ANOS1: variants seen among roughly 807,000 people sequenced by gnomAD.
ANOS1 encodes anosmin 1, also known as anosmin-1.
A neutral mutation model predicts 59.0 loss-of-function variants in ANOS1; 6 were observed. The observed-to-expected ratio is 0.10, with a 90% CI of 0.06 to 0.20. The LOEUF is 0.20. Ranked by LOEUF, ANOS1 falls within the 10% of genes least tolerant of loss-of-function variation. The pLI is 1.00. For synonymous variants in ANOS1, 217 were observed against 223.4 expected (o/e 0.97, Z 0.25); for missense variants, 433 against 542.3 (o/e 0.80, Z 2.00).
chrX:8,575,424 T>C (rs1307192810), intron 6 of ANOS1, among the ~76,000 whole-genome samples: 1 of 111,984 alleles, frequency 8.9e-6, no homozygotes, highest in African/African-American at 3.2e-5. Context: ...ATTGCAGATA[T>C]TCTAGGCTCA....
chrX:8,688,278 C>A (rs908639527), intron 2 of ANOS1, among the ~76,000 whole-genome samples: 3 of 111,977 alleles, frequency 2.7e-5, no homozygotes, highest in Non-Finnish European at 5.6e-5. Flanking sequence ...TAAGGGTCCC[C>A]AAACTTCAAT....
intron 3 of ANOS1, among the ~76,000 whole-genome samples, chrX:8,614,633 T>A: frequency 9.0e-6 from 1 of 111,395 alleles, no homozygotes; most frequent in East Asian, 2.8e-4. Flanking sequence ...CAGATACTGA[T>A]TAAGTGCTTT....
In ANOS1 at chrX:8,570,592, G is replaced by C. The variant is rs137879324; in HGVS notation, c.969C>G (p.Ile323Met). The change falls in exon 7 of 14, where the codon ATC becomes ATG. Residue 323 changes from isoleucine (I) to methionine (M), a missense_variant. By Grantham distance (10) the Ile-to-Met change is conservative (BLOSUM62 1). Transcript: ENST00000262648. ...IVWDLPEEPD[I>M]PVHHYKVFWS... ...AAAAGACCTTGTAATGATGCACAGG[G>C]ATGTCCGGCTCCTCGGGGAGATCCC... 61 of 1,208,976 alleles carry C rather than the reference G, an allele frequency of 5.0e-5. No homozygotes were observed. In the African/African-American group the frequency reaches 8.2e-4, roughly 16 times the overall value.
intron 2 of ANOS1, among the ~76,000 whole-genome samples, chrX:8,637,923 C>A (rs1297543327): frequency 8.9e-6 from 1 of 112,052 alleles, no homozygotes; most frequent in Non-Finnish European, 1.9e-5. Context: ...GGTTTAGAAC[C>A]CTTGTGAAAA....
intron 1 of ANOS1, among the ~76,000 whole-genome samples, chrX:8,709,453 T>C (rs1056451868): frequency 8.9e-6 from 1 of 111,851 alleles, no homozygotes; most frequent in Non-Finnish European, 1.9e-5. Context: ...TAAATAACTT[T>C]ACATGACTTT....
intron 6 of ANOS1, among the ~76,000 whole-genome samples, chrX:8,571,365 T>C (rs1318432325): frequency 9.0e-6 from 1 of 111,277 alleles, no homozygotes; most frequent in Non-Finnish European, 1.9e-5. Flanking sequence ...TGACATTAAA[T>C]AGGTAAGCAA....
chrX:8,703,152 C>G lies in ANOS1; in HGVS notation c.208-3407G>C, dbSNP rs536525731. Among the ~76,000 whole-genome samples the G allele has an allele frequency of 1.5e-4, 17 of 112,190 alleles. 1 individual carries two copies. In the South Asian group the frequency reaches 6.3e-3, roughly 42 times the overall value. ...TTATTTTGTCTGTGTCTTGGTTGCTCAACTAGATTTTTCCCTGGGGACAGG... is the reference window on the plus strand; with the variant it reads ...TTATTTTGTCTGTGTCTTGGTTGCTGAACTAGATTTTTCCCTGGGGACAGG... On this transcript the variant is annotated intron_variant, in intron 1 of 13. Coordinates refer to ENST00000262648, the MANE Select transcript of ANOS1 (RefSeq NM_000216.4).
chrX:8,584,394 A>G (rs1348155664), intron 6 of ANOS1, among the ~76,000 whole-genome samples: 2 of 109,137 alleles, frequency 1.8e-5, no homozygotes, highest in Non-Finnish European at 3.8e-5. Context: ...CCCTGAGGAG[A>G]AAAAAAAAGT....
At chrX:8,701,689 A>C (rs144604917) in intron 1 of ANOS1, among the ~76,000 whole-genome samples, 35 of 112,318 alleles carry the variant, frequency 3.1e-4, no homozygotes, top group Non-Finnish European at 5.8e-4. Flanking sequence ...CTTCATGTAC[A>C]TTGTAGTATA....
At chrX:8,649,518 T>G (rs1009488281) in intron 2 of ANOS1, among the ~76,000 whole-genome samples, 2 of 112,065 alleles carry the variant, frequency 1.8e-5, no homozygotes, top group Non-Finnish European at 3.8e-5. Flanking sequence ...TCTCCTCCTC[T>G]GCTTTATTTG....
At chrX:8,595,817 T>C (rs773290157) in intron 4 of ANOS1, among the ~76,000 whole-genome samples, 1 of 111,409 alleles carries the variant, frequency 9.0e-6, no homozygotes, top group South Asian at 3.8e-4. Flanking sequence ...TGTTAGGAAC[T>C]GGGTCACACA....
At chrX:8,692,065 G>A (rs911786191) in intron 2 of ANOS1, among the ~76,000 whole-genome samples, 1 of 111,727 alleles carries the variant, frequency 9.0e-6, no homozygotes, top group Admixed American at 9.6e-5. Context: ...CTGTGTGAAT[G>A]TAATGTCATA....
chrX:8,719,797 T>C (rs1388457914), intron 1 of ANOS1, among the ~76,000 whole-genome samples: 1 of 110,397 alleles, frequency 9.1e-6, no homozygotes, highest in African/African-American at 3.3e-5. Context: ...TTTTCTGAAG[T>C]ATTAACAACT....
chrX:8,570,806 G>A, intron 6 of ANOS1, 102 bp from the exon 7 acceptor site: 3 of 815,699 alleles, frequency 3.7e-6, no homozygotes, highest in Non-Finnish European at 5.4e-6. Context: ...GCTTTTTATA[G>A]ATAGAAAAGC....
At chrX:8,627,235 A>T (rs985477271) in intron 2 of ANOS1, among the ~76,000 whole-genome samples, 8 of 112,595 alleles carry the variant, frequency 7.1e-5, no homozygotes, top group Non-Finnish European at 1.5e-4. Flanking sequence ...AAAAATATAA[A>T]TTATAAAAAT....
At chrX:8,642,030 T>C (rs1931673766) in intron 2 of ANOS1, among the ~76,000 whole-genome samples, 1 of 111,904 alleles carries the variant, frequency 8.9e-6, no homozygotes, top group Non-Finnish European at 1.9e-5. Context: ...TATAATTCTA[T>C]CCATACCATT....
intron 4 of ANOS1, among the ~76,000 whole-genome samples, 177 bp downstream of exon 4, chrX:8,596,857 G>A (rs1225324190): frequency 8.9e-6 from 1 of 111,930 alleles, no homozygotes; most frequent in Non-Finnish European, 1.9e-5. Context: ...GAGTTAATAT[G>A]GCTAATCTTT....
intron 1 of ANOS1, among the ~76,000 whole-genome samples, chrX:8,728,781 C>T (rs768953505): frequency 2.5e-4 from 28 of 112,082 alleles, no homozygotes; most frequent in African/African-American, 9.1e-4. Flanking sequence ...TCCTTTCTTC[C>T]TTTCCAGGTC....
chrX:8,711,566 A>G (rs1481549739), intron 1 of ANOS1, among the ~76,000 whole-genome samples: 4 of 112,710 alleles, frequency 3.5e-5, no homozygotes, highest in African/African-American at 1.3e-4. Context: ...ACCTGTGACC[A>G]TCCAAGGTCA....
Sources: allele counts gnomAD v4.1 joint callset (sites outside exome capture counted in the v4.1 genomes callset), GRCh38; gene constraint gnomAD v4.1.1; transcripts MANE v1.5; gene names NCBI Gene and HGNC (gene_info 2026-07-23, HGNC 2026-07-21).